The following LINGO2 variants were observed in gnomAD, a reference collection of about 807,000 sequenced individuals.
LINGO2 encodes the protein leucine-rich repeat and immunoglobulin-like domain-containing nogo receptor-interacting protein 2.
In LINGO2, 14 loss-of-function variants were observed where a neutral mutation model predicts 30.6. The observed-to-expected ratio is 0.46, with a 90% confidence interval of 0.30 to 0.72. LINGO2 has a LOEUF of 0.72. Ranked by LOEUF, LINGO2 falls within the 30% of genes least tolerant of loss-of-function variation. The probability of loss-of-function intolerance (pLI) is 0.07; values close to 1 mark genes in which losing one functional copy is unlikely to be tolerated. For synonymous variants in LINGO2, 317 were observed against 288.5 expected, an observed-to-expected ratio of 1.10 and a Z score of -1.00; for missense variants, 729 against 751.7, an observed-to-expected ratio of 0.97 and a Z score of 0.35.
chr9:28,158,992 A>G (rs1828213387), intron 4 of LINGO2, among the ~76,000 whole-genome samples: 1 of 152,234 alleles, frequency 6.6e-6, no homozygotes, highest in African/African-American at 2.4e-5. Flanking sequence ...GAGTAGAACA[A>G]TAAAAGCCAA....
intron 1 of LINGO2, among the ~76,000 whole-genome samples, chr9:28,624,626 G>GT (rs1826575131): frequency 7.1e-6 from 1 of 139,962 alleles, no homozygotes; most frequent in South Asian, 2.2e-4. Context: ...TTAGCCTGTA[G>GT]TTTTCTTTTT....
intron 4 of LINGO2, among the ~76,000 whole-genome samples, chr9:28,169,926 T>C (rs886570605): frequency 1.3e-5 from 2 of 152,226 alleles, no homozygotes; most frequent in African/African-American, 4.8e-5. Context: ...CGAGGCCTTC[T>C]CTAGTCATGG....
the LINGO2 span, among the ~76,000 whole-genome samples, chr9:28,779,434 G>A: frequency 3.3e-5 from 5 of 152,104 alleles, no homozygotes; most frequent in Non-Finnish European, 7.4e-5. Flanking sequence ...AACATCTGGA[G>A]CTATTGATGA....
chr9:28,196,742 T>C (rs1239321992), intron 4 of LINGO2, among the ~76,000 whole-genome samples: 1 of 151,944 alleles, frequency 6.6e-6, no homozygotes, highest in East Asian at 1.9e-4. Context: ...TTAGTCAATT[T>C]ATATCTAAAG....
intron 1 of LINGO2, among the ~76,000 whole-genome samples, chr9:28,612,653 T>C (rs1418425006): frequency 6.6e-6 from 1 of 152,206 alleles, no homozygotes; most frequent in Non-Finnish European, 1.5e-5. Context: ...ATTCCCATTG[T>C]ATCTAGCAAA....
Position 28,497,897 on chromosome 9 carries a change from G to A in LINGO2, c.-364-21872C>T, listed in dbSNP as rs1819706034. On this transcript the variant is annotated intron_variant, in intron 1 of 5. Transcript: ENST00000379992. Reference sequence around the variant, plus strand: ...TAACAGTCAGCACCCTCAGCTGCAGGTCTGCTGGAGTTTGCTGGAGGTCCA... The same window carrying A: ...TAACAGTCAGCACCCTCAGCTGCAGATCTGCTGGAGTTTGCTGGAGGTCCA... Among the ~76,000 whole-genome samples the A allele has an allele frequency of 3.3e-5, 5 of 152,318 alleles. No homozygotes were observed. In the South Asian group the frequency reaches 1.0e-3, roughly 32 times the overall value.
the LINGO2 span, among the ~76,000 whole-genome samples, chr9:29,179,119 C>T: frequency 3.8e-3 from 551 of 143,526 alleles, 8 homozygotes; most frequent in African/African-American, 0.014. Flanking sequence ...TCTTTACTTA[C>T]TAGAAAAGTA....
At chr9:28,227,111 A>T (rs922952258) in intron 4 of LINGO2, among the ~76,000 whole-genome samples, 1 of 152,128 alleles carries the variant, frequency 6.6e-6, no homozygotes, top group Non-Finnish European at 1.5e-5. Flanking sequence ...CATACTAAGC[A>T]CTCAATAAAT....
intron 5 of LINGO2, among the ~76,000 whole-genome samples, chr9:27,952,267 T>C (rs940079356): frequency 2.0e-5 from 3 of 151,964 alleles, no homozygotes; most frequent in Non-Finnish European, 4.4e-5. Context: ...CATCAAATCC[T>C]TAGTATAAAC....
Position 28,148,830 on chromosome 9 carries a change from G to T in LINGO2, c.-86-136425C>A, listed in dbSNP as rs1587085365. The T allele has an allele frequency of 2.6e-6, 4 of 1,533,804 alleles. No individual in the cohort carries two copies. In the East Asian group the frequency reaches 9.8e-5, roughly 38 times the overall value. ...GAGAAGGCGGCCTTGAAGGTGCTGG[G>T]TAAAGACCACCTGCCCAGCTCTCCA... On this transcript the variant is annotated intron_variant, in intron 4 of 5. Transcript: ENST00000379992. This position sits in a 1 kb window ranked among gnomAD's most constrained non-coding sequence, Gnocchi z 5.1.
the LINGO2 span, among the ~76,000 whole-genome samples, chr9:28,806,401 T>C: frequency 6.6e-6 from 1 of 152,198 alleles, no homozygotes; most frequent in African/African-American, 2.4e-5. Context: ...TTCCTAATAT[T>C]ATATTAATAA....
intron 4 of LINGO2, among the ~76,000 whole-genome samples, chr9:28,032,714 A>G (rs1262457889): frequency 6.6e-6 from 1 of 152,198 alleles, no homozygotes; most frequent in Non-Finnish European, 1.5e-5. Context: ...CCTATAACCC[A>G]TGAGTGAGCA....
intron 4 of LINGO2, among the ~76,000 whole-genome samples, chr9:28,099,516 A>G (rs143350991): frequency 6.6e-6 from 1 of 152,056 alleles, no homozygotes; most frequent in Non-Finnish European, 1.5e-5. Context: ...TGACTTAGCC[A>G]TTGGGATAAA....
chr9:29,120,209 G>A, the LINGO2 span, among the ~76,000 whole-genome samples: 37,111 of 152,006 alleles, frequency 0.24, 4,712 homozygotes, highest in East Asian at 0.44. Flanking sequence ...TGAGACCCTG[G>A]CAGTAGGCTT....
At chr9:29,062,958 G>A in the LINGO2 span, among the ~76,000 whole-genome samples, 5 of 152,084 alleles carry the variant, frequency 3.3e-5, no homozygotes, top group South Asian at 2.1e-4. Flanking sequence ...ACCAGATTAC[G>A]TTCTAGACTT....
At chr9:28,884,973 TATATATA>T in the LINGO2 span, among the ~76,000 whole-genome samples, 2 of 9,950 alleles carry the variant, frequency 2.0e-4, no homozygotes, top group Non-Finnish European at 4.4e-4. Context: ...ATATATATAA[TATATATA>T]ATATATAATA....
At chr9:28,760,945 T>TATAC in the LINGO2 span, among the ~76,000 whole-genome samples, 6 of 136,168 alleles carry the variant, frequency 4.4e-5, no homozygotes, top group African/African-American at 1.6e-4. Context: ...TATATATATA[T>TATAC]ACACACACAC....
chr9:28,156,804 T>C (rs2167641), intron 4 of LINGO2, among the ~76,000 whole-genome samples: 150,981 of 152,358 alleles, frequency 0.99, 74,826 homozygotes, highest in Middle Eastern at 1. Flanking sequence ...CATGGCAGTC[T>C]GAAATCCAGC....
At chr9:29,098,613 G>A in the LINGO2 span, among the ~76,000 whole-genome samples, 893 of 152,230 alleles carry the variant, frequency 5.9e-3, 8 homozygotes, top group African/African-American at 0.021. Context: ...TATTGTGGAT[G>A]GAGTGTGTAA....
Sources: gnomAD v4.1 joint callset for allele counts (sites outside exome capture counted in the v4.1 genomes callset) on GRCh38, gnomAD v4.1.1 for gene constraint, Gnocchi (gnomAD v3.1) non-coding constraint, MANE v1.5 for transcripts, NCBI Gene and HGNC (gene_info 2026-07-23, HGNC 2026-07-21) for gene names.